Variants in RSPH14 observed in about 807,000 individuals in gnomAD.
RSPH14 encodes the protein rhabdoid tumor deletion region gene 1.
A neutral mutation model predicts 26.7 loss-of-function variants in RSPH14; 20 were observed. The ratio of observed to expected loss-of-function variants is 0.75; its 90% CI spans 0.53 to 1.09. RSPH14 has a LOEUF of 1.09. Ranked by LOEUF, RSPH14 falls within the 50% of genes least tolerant of loss-of-function variation. RSPH14 has a pLI of 0.00. For missense variants in RSPH14, 449 were observed against 457.2 expected (o/e 0.98, Z 0.16); for synonymous variants, 177 against 189.3 (o/e 0.93, Z 0.53).
the RSPH14 span, chr22:23,160,968 C>G: frequency 1.2e-6 from 2 of 1,612,946 alleles, no homozygotes; most frequent in Non-Finnish European, 1.7e-6. Context: ...GAGCAGTGCC[C>G]GGCTCCAGGT....
chr22:23,150,418 C>T, the RSPH14 span, among the ~76,000 whole-genome samples: 1 of 151,668 alleles, frequency 6.6e-6, no homozygotes, highest in Non-Finnish European at 1.5e-5. Context: ...TCTCCTGCCT[C>T]AGCCTCCCGA....
intron 4 of RSPH14, 119 bp downstream of exon 4, chr22:23,133,907 T>C (rs1404767066): frequency 2.8e-6 from 2 of 704,884 alleles, no homozygotes; most frequent in South Asian, 1.5e-5. Flanking sequence ...TTTTCTAATA[T>C]GTATGTTGTA....
chr22:23,173,730 G>A, the RSPH14 span, among the ~76,000 whole-genome samples: 4 of 150,082 alleles, frequency 2.7e-5, no homozygotes, highest in South Asian at 2.1e-4. Flanking sequence ...ATTTTGAGAC[G>A]GAGTCTCGCT....
At chr22:23,145,472 C>G, upstream of RSPH14, 1 of 1,609,588 alleles carries the variant, frequency 6.2e-7, no homozygotes, top group Non-Finnish European at 8.5e-7. Context: ...TCCCGCGTGG[C>G]TCTCGTTGCC....
At chr22:23,174,104 G>A in the RSPH14 span, among the ~76,000 whole-genome samples, 3 of 152,140 alleles carry the variant, frequency 2.0e-5, no homozygotes, top group African/African-American at 7.2e-5. Flanking sequence ...CAGAGGGGGC[G>A]GTTGGGTCCC....
Position 23,059,427 on chromosome 22 carries a change from G to C in RSPH14, c.*35C>G. ...TTCGGACCCGAGATAAAGAGACTTAGCACATTTATTCACTCACAGAGGTGA... is the reference window on the plus strand; with the variant it reads ...TTCGGACCCGAGATAAAGAGACTTACCACATTTATTCACTCACAGAGGTGA... On this transcript the variant is annotated 3_prime_UTR_variant, in exon 7 of 7. Transcript: ENST00000216036. The C allele has an allele frequency of 6.5e-7, 1 of 1,549,658 alleles. No homozygotes were observed. The highest frequency in any genetic ancestry group is 8.7e-7 in the Non-Finnish European group (1 of 1,143,568).
chr22:23,095,478 G>C (rs1191459652), intron 4 of RSPH14: 1 of 572,042 alleles, frequency 1.7e-6, no homozygotes, highest in Middle Eastern at 4.6e-4. Context: ...TGTCACTAGT[G>C]GGGAGGGGCG....
intron 4 of RSPH14, chr22:23,124,891 TCC>T (rs1462087856): frequency 2.0e-5 from 3 of 152,818 alleles, no homozygotes; most frequent in Non-Finnish European, 2.9e-5. Flanking sequence ...CCTCCCTCTC[TCC>T]GTGCAGTAGC....
Position 23,140,245 on chromosome 22 carries a change from C to T in RSPH14, c.176G>A (p.Cys59Tyr), listed in dbSNP as rs756210668. Residue 59 changes from cysteine to tyrosine, a missense_variant, in exon 2 of 7, where the codon TGT (cysteine) becomes TAT (tyrosine). Coordinates refer to ENST00000216036, the MANE Select transcript of RSPH14 (RefSeq NM_014433.3). ...ALCDLMHDPE[C>Y]IYKAMNIGCM... ...ACCTATGTTCATGGCCTTGTAGATA[C>T]ACTCGGGGTCATGCATGAGGTCACA... The T allele has an allele frequency of 5.0e-6, 8 of 1,613,924 alleles. No homozygotes were observed. The highest frequency in any genetic ancestry group is 4.5e-5 in the East Asian group (2 of 44,902).
chr22:23,082,551 A>C (rs1032784116), intron 4 of RSPH14, among the ~76,000 whole-genome samples: 3 of 151,910 alleles, frequency 2.0e-5, no homozygotes, highest in Middle Eastern at 3.4e-3. Context: ...TTTGTTTTGC[A>C]TGTGAAGGAT....
chr22:23,138,848 G>A lies in RSPH14; in HGVS notation c.294C>T (p.Ser98=), dbSNP rs1269255588. The A allele has an allele frequency of 2.6e-6, 4 of 1,551,062 alleles. No individual in the cohort carries two copies. The highest frequency in any genetic ancestry group is 2.0e-5 in the Admixed American group (1 of 50,988). ...CCAGAACAGCATCCCACCTGCCCAC[G>A]CTATGGCTTGCCGTGATGTGGAGCA... ...TEVLHITASH[S]VGRYAFLEHD... Residue 98 remains serine (S), a synonymous_variant, in exon 3 of 7, where the codon AGC becomes AGT. Transcript: ENST00000216036.
intron 4 of RSPH14, chr22:23,133,031 A>G (rs1264974794): frequency 6.6e-6 from 1 of 152,004 alleles, no homozygotes; most frequent in East Asian, 1.9e-4. Flanking sequence ...TATTTTAGAA[A>G]ACCATTGGGT....
chr22:23,146,818 G>A (rs537853624), upstream of RSPH14: 338 of 1,412,450 alleles, frequency 2.4e-4, 4 homozygotes, highest in South Asian at 4.7e-3. Flanking sequence ...ACCTTGAGGA[G>A]CTGGGAGACT....
chr22:23,127,508 GGGA>G (rs140400006), intron 4 of RSPH14, among the ~76,000 whole-genome samples: 3 of 152,140 alleles, frequency 2.0e-5, no homozygotes, highest in Non-Finnish European at 4.4e-5. Flanking sequence ...TGGCATCAAG[GGGA>G]GGAGGAGGAG....
At chr22:23,135,986 A>C (rs2070472870) in intron 3 of RSPH14, 1 of 165,218 alleles carries the variant, frequency 6.1e-6, no homozygotes, top group African/African-American at 2.4e-5. Flanking sequence ...AATAAAAATA[A>C]ATTTTATTTA....
intron 4 of RSPH14, among the ~76,000 whole-genome samples, chr22:23,130,091 GAAAGAAAGA>G (rs2070294487): frequency 5.0e-4 from 14 of 28,086 alleles, no homozygotes; most frequent in Admixed American, 1.9e-3. Context: ...AAGGAAGAAA[GAAAGAAAGA>G]AAGAAAGAAA....
chr22:23,117,350 T>C (rs533190440), intron 4 of RSPH14, among the ~76,000 whole-genome samples: 7 of 152,270 alleles, frequency 4.6e-5, no homozygotes, highest in African/African-American at 1.7e-4. Context: ...GGCCATTGCA[T>C]CTCCAGGCTA....
At chr22:23,112,352 G>A (rs953376398) in intron 4 of RSPH14, among the ~76,000 whole-genome samples, 3 of 152,186 alleles carry the variant, frequency 2.0e-5, no homozygotes, top group Admixed American at 6.5e-5. Context: ...TCACCAGGCC[G>A]TTTGCTCTTT....
At chr22:23,167,999 A>T in the RSPH14 span, among the ~76,000 whole-genome samples, 4 of 152,090 alleles carry the variant, frequency 2.6e-5, no homozygotes, top group Non-Finnish European at 5.9e-5. Flanking sequence ...GGAATGAGCC[A>T]GCATGCCCAG....
Sources: allele counts gnomAD v4.1 joint callset (sites outside exome capture counted in the v4.1 genomes callset), GRCh38; gene constraint gnomAD v4.1.1; transcripts MANE v1.5; gene names NCBI Gene and HGNC (gene_info 2026-07-23, HGNC 2026-07-21).